FBLN5: variants seen among roughly 807,000 people sequenced by gnomAD.
FBLN5 encodes fibulin 5, also known as fibulin-5.
In FBLN5, 24 loss-of-function variants were observed where a neutral mutation model predicts 61.6. The ratio of observed to expected loss-of-function variants is 0.39; its 90% CI spans 0.28 to 0.55. The LOEUF is 0.55. Ranked by LOEUF, FBLN5 falls within the 20% of genes least tolerant of loss-of-function variation. The probability of loss-of-function intolerance (pLI) is 0.65; values close to 1 mark genes in which losing one functional copy is unlikely to be tolerated. For synonymous variants in FBLN5, 213 were observed against 219.8 expected, an observed-to-expected ratio of 0.97 and a Z score of 0.27; for missense variants, 470 against 594.1, an observed-to-expected ratio of 0.79 and a Z score of 2.17.
At chr14:91,889,978 G>A (rs1004041374) in intron 6 of FBLN5, among the ~76,000 whole-genome samples, 8 of 152,176 alleles carry the variant, frequency 5.3e-5, no homozygotes, top group Non-Finnish European at 1.0e-4. Flanking sequence ...CCCAGGCCTT[G>A]GCACAGAGAA....
In FBLN5 at chr14:91,947,513, T is replaced by C. The variant is rs2056203486; in HGVS notation, c.-284A>G. 3 of 575,650 alleles carry C rather than the reference T, an allele frequency of 5.2e-6. No homozygotes were observed. Among genetic ancestry groups the C allele is most frequent in the African/African-American group, 3.7e-5 (2 of 53,414 alleles). 35.7% of individuals were successfully genotyped at this position (575,650 alleles called of 1,614,324 possible). ...TGTTAAAAATGAACACTTCATTTTC[T>C]AAGTATGTTAAACAATGCAAATGGG... On this transcript the variant is annotated 5_prime_UTR_variant, in exon 1 of 11. Transcript: ENST00000342058. This position sits in a 1 kb window ranked among gnomAD's most constrained non-coding sequence, Gnocchi z 4.3.
chr14:91,922,641 G>C (rs1278030069), intron 4 of FBLN5, among the ~76,000 whole-genome samples: 1 of 152,216 alleles, frequency 6.6e-6, no homozygotes, highest in African/African-American at 2.4e-5. Context: ...TGTTGAGGAG[G>C]TCTGAGGTCT....
At chr14:91,915,311 C>T (rs546955062) in intron 4 of FBLN5, among the ~76,000 whole-genome samples, 56 of 152,212 alleles carry the variant, frequency 3.7e-4, no homozygotes, top group African/African-American at 1.3e-3. Flanking sequence ...ATTAAGTAGA[C>T]AAGTTCTTAG....
intron 4 of FBLN5, among the ~76,000 whole-genome samples, chr14:91,919,880 G>T (rs1595334752): frequency 6.6e-6 from 1 of 152,182 alleles, no homozygotes; most frequent in East Asian, 1.9e-4. Context: ...CCCAGTCTGT[G>T]GTACTCTGTT....
In FBLN5 at chr14:91,922,948, T is replaced by C. The variant is rs143325594; in HGVS notation, c.379+13999A>G. Among the ~76,000 whole-genome samples, 867 of 152,276 alleles carry C rather than the reference T, an allele frequency of 5.7e-3. 9 individuals are homozygous for C. The highest frequency in any genetic ancestry group is 0.02 in the African/African-American group (824 of 41,540). On this transcript the variant is annotated intron_variant, in intron 4 of 10. Transcript: ENST00000342058. ...GACTTTGACCAGGACCCTGAGAACA[T>C]GGAGGTGATGTAATTATGAGGTGAC...
chr14:91,922,706 G>T (rs954941424), intron 4 of FBLN5, among the ~76,000 whole-genome samples: 4 of 152,188 alleles, frequency 2.6e-5, no homozygotes, highest in Non-Finnish European at 5.9e-5. Flanking sequence ...TCTCTACCTT[G>T]TTGGTCAATC....
chr14:91,910,074 T>A (rs1890855464), intron 4 of FBLN5, among the ~76,000 whole-genome samples: 1 of 152,222 alleles, frequency 6.6e-6, no homozygotes, highest in African/African-American at 2.4e-5. Flanking sequence ...CCTATACACC[T>A]ATGTTCATAG....
chr14:91,881,176 A>G, intron 9 of FBLN5, 116 bp downstream of exon 9: 1 of 1,062,342 alleles, frequency 9.4e-7, no homozygotes, highest in Non-Finnish European at 1.4e-6. Flanking sequence ...TGACGTAGGT[A>G]GTAGGCCAGG....
chr14:91,902,273 G>GT (rs1209247768), intron 4 of FBLN5, among the ~76,000 whole-genome samples: 5 of 44,324 alleles, frequency 1.1e-4, no homozygotes, highest in African/African-American at 2.8e-4. Context: ...TTTTTTGTTT[G>GT]TTTGTTTGTT....
chr14:91,880,849 C>G (rs552333282), intron 9 of FBLN5, among the ~76,000 whole-genome samples: 1 of 152,222 alleles, frequency 6.6e-6, no homozygotes, highest in South Asian at 2.1e-4. Flanking sequence ...CCGTGCCCAG[C>G]CTTGCATGTG....
At chr14:91,875,603 T>C (rs1401210985) in intron 10 of FBLN5, among the ~76,000 whole-genome samples, 9 of 152,166 alleles carry the variant, frequency 5.9e-5, no homozygotes, top group African/African-American at 1.2e-4. Context: ...GGAATACCAA[T>C]GCCTGGTTAC....
chr14:91,945,293 C>A (rs183042898), intron 1 of FBLN5, among the ~76,000 whole-genome samples: 198 of 151,808 alleles, frequency 1.3e-3, no homozygotes, highest in Admixed American at 3.5e-3. Flanking sequence ...TTATTCAGTT[C>A]AACAGCAGTT....
intron 10 of FBLN5, 103 bp from the exon 11 acceptor site, chr14:91,870,488 C>G (rs755700818): frequency 1.3e-5 from 14 of 1,104,096 alleles, no homozygotes; most frequent in African/African-American, 4.6e-5. Context: ...CTGGCACCCC[C>G]TCGGTGCCTC....
intron 6 of FBLN5, among the ~76,000 whole-genome samples, chr14:91,890,306 A>G (rs1008852540): frequency 1.3e-5 from 2 of 152,204 alleles, no homozygotes; most frequent in East Asian, 1.9e-4. Flanking sequence ...CTCAATGGCC[A>G]GGAGCCTGCC....
At position 91,904,770 on chromosome 14, in the gene FBLN5, T is replaced by G. The variant is rs1595316826; in HGVS notation, c.380-9698A>C. 2.0e-5 allele frequency among the ~76,000 whole-genome samples: 3 copies of G among 152,222 alleles called. No homozygotes were observed. The South Asian group carries it at 6.2e-4, about 32-fold the overall frequency. ...GCAGTCACCTCCCAAAGGACCCACC[T>G]TGTAATAACGTCACATTGTGGATAA... On this transcript the variant is annotated intron_variant, in intron 4 of 10. Transcript: ENST00000342058.
chr14:91,888,802 C>G (rs570307674), intron 6 of FBLN5, among the ~76,000 whole-genome samples: 5 of 151,954 alleles, frequency 3.3e-5, no homozygotes, highest in African/African-American at 1.2e-4. Context: ...GCTCATCGTG[C>G]GGGGAGGGCA....
intron 3 of FBLN5, among the ~76,000 whole-genome samples, chr14:91,939,562 G>A (rs1293379386): frequency 2.6e-5 from 4 of 151,992 alleles, no homozygotes; most frequent in African/African-American, 4.8e-5. Flanking sequence ...GGCTGGTCTC[G>A]CACTCCTGCC....
chr14:91,886,123 G>A (rs974565232), intron 7 of FBLN5, among the ~76,000 whole-genome samples: 9 of 152,178 alleles, frequency 5.9e-5, no homozygotes, highest in South Asian at 2.1e-4. Context: ...AATAAAACCC[G>A]GATTAGGAAA....
At chr14:91,871,593 C>T (rs1244986082) in intron 10 of FBLN5, among the ~76,000 whole-genome samples, 1 of 152,166 alleles carries the variant, frequency 6.6e-6, no homozygotes, top group African/African-American at 2.4e-5. Flanking sequence ...CACCATGGCT[C>T]ACAACTGTAA....
Sources: allele counts gnomAD v4.1 joint callset (sites outside exome capture counted in the v4.1 genomes callset), GRCh38; gene constraint gnomAD v4.1.1; non-coding constraint Gnocchi (gnomAD v3.1); transcripts MANE v1.5; gene names NCBI Gene and HGNC (gene_info 2026-07-23, HGNC 2026-07-21).